Variants in SLC25A26 observed in about 807,000 individuals in gnomAD.
The protein encoded by SLC25A26 is solute carrier family 25 member 26.
A neutral mutation model predicts 37.8 loss-of-function variants in SLC25A26; 36 were observed. The ratio of observed to expected loss-of-function variants is 0.95; its 90% confidence interval spans 0.73 to 1.26. The LOEUF (loss-of-function observed/expected upper bound fraction) is 1.26. Ranked by LOEUF, SLC25A26 falls within the 50% of genes most tolerant of loss-of-function variation. SLC25A26 has a pLI of 0.00. For synonymous variants in SLC25A26, 129 were observed against 122.5 expected, an observed-to-expected ratio of 1.05 and a Z score of -0.35; for missense variants, 390 against 331.1, an observed-to-expected ratio of 1.18 and a Z score of -1.38.
intron 6 of SLC25A26, among the ~76,000 whole-genome samples, chr3:66,350,711 TGTGAGC>T (rs776094017): frequency 6.9e-6 from 1 of 144,362 alleles, no homozygotes; most frequent in Admixed American, 7.0e-5. Context: ...TGTGTGTGTG[TGTGAGC>T]GCGCGCGTGC....
intron 5 of SLC25A26, among the ~76,000 whole-genome samples, chr3:66,275,294 A>G (rs2074101237): frequency 6.6e-6 from 1 of 151,812 alleles, no homozygotes; most frequent in Admixed American, 6.6e-5. Flanking sequence ...AGATACATCT[A>G]ATGCTAAATG....
upstream of SLC25A26, among the ~76,000 whole-genome samples, chr3:66,219,153 A>T (rs1471799637): frequency 6.6e-6 from 1 of 152,202 alleles, no homozygotes; most frequent in Non-Finnish European, 1.5e-5. Context: ...AGGTGGGAAG[A>T]CTGTGAGGGA....
At position 66,253,493 on chromosome 3, in the gene SLC25A26, C is replaced by T. The variant is rs541692919; in HGVS notation, c.301-8558C>T. On this transcript the variant is annotated intron_variant, in intron 3 of 9. Coordinates refer to ENST00000354883, the MANE Select transcript of SLC25A26 (RefSeq NM_001379210.1). ...CAGTAGGGTCCTTAGGAGAGGGGAG[C>T]GGGGGTCAGAGAGCTGAAGATGGTA... Among the ~76,000 whole-genome samples, 8 of 151,514 alleles carry T rather than the reference C, an allele frequency of 5.3e-5. No individual in the cohort carries two copies. In the East Asian group the frequency reaches 1.4e-3, roughly 26 times the overall value.
chr3:66,353,361 T>C (rs1013060329), intron 6 of SLC25A26, among the ~76,000 whole-genome samples: 8 of 152,214 alleles, frequency 5.3e-5, no homozygotes, highest in Non-Finnish European at 7.3e-5. Context: ...AAGTAGGTGC[T>C]GGCCTGGTCT....
intron 5 of SLC25A26, among the ~76,000 whole-genome samples, chr3:66,305,692 TG>T (rs2075200400): frequency 6.6e-6 from 1 of 152,038 alleles, no homozygotes; most frequent in Non-Finnish European, 1.5e-5. Flanking sequence ...CACTTACAAG[TG>T]AGAGCATGTG....
intron 6 of SLC25A26, among the ~76,000 whole-genome samples, chr3:66,361,691 C>T (rs1411857910): frequency 3.9e-5 from 6 of 152,192 alleles, no homozygotes; most frequent in African/African-American, 1.4e-4. Flanking sequence ...AATGAAGGCA[C>T]GGTGGCTCAC....
intron 9 of SLC25A26, among the ~76,000 whole-genome samples, chr3:66,371,762 A>AG (rs1700355668): frequency 6.6e-6 from 1 of 152,090 alleles, no homozygotes; most frequent in Non-Finnish European, 1.5e-5. Context: ...GAATGGGGTG[A>AG]GAAAAAATGA....
At chr3:66,271,065 A>C (rs1175340795) in intron 5 of SLC25A26, among the ~76,000 whole-genome samples, 1 of 152,174 alleles carries the variant, frequency 6.6e-6, no homozygotes, top group African/African-American at 2.4e-5. Flanking sequence ...ACACATTGGA[A>C]GCTATTGGAT....
At position 66,236,566 on chromosome 3, in the gene SLC25A26, C is replaced by G. The variant is rs1380247178; in HGVS notation, c.56C>G (p.Ser19Cys). The G allele has an allele frequency of 2.1e-6, 3 of 1,434,580 alleles. No individual in the cohort carries two copies. Among genetic ancestry groups the G allele is most frequent in the Non-Finnish European group, 2.8e-6 (3 of 1,084,724 alleles). 88.9% of individuals were successfully genotyped at this position (1,434,580 alleles called of 1,614,324 possible). A position where few individuals can be genotyped will look rare whatever the true frequency, so the allele number is the denominator to read the frequency against. Residue 19 changes from serine (S) to cysteine (C), a missense_variant, in exon 2 of 10, where the codon TCT (serine) becomes TGT (cysteine). By Grantham distance (112) the Ser-to-Cys change is moderately radical. Coordinates refer to ENST00000354883, the MANE Select transcript of SLC25A26 (RefSeq NM_001379210.1). ...ALVAGGVAGV[S>C]VDLILFPLDT... Reference sequence around the variant, plus strand: ...AAGGCTGGTGGGGTAGCAGGTGTTTCTGTTGACTTGATATTATTTCCTCTG... The same window carrying G: ...AAGGCTGGTGGGGTAGCAGGTGTTTGTGTTGACTTGATATTATTTCCTCTG...
At chr3:66,332,700 C>A (rs900542489) in intron 5 of SLC25A26, among the ~76,000 whole-genome samples, 1 of 152,148 alleles carries the variant, frequency 6.6e-6, no homozygotes, top group Non-Finnish European at 1.5e-5. Flanking sequence ...GCATGAGCCA[C>A]TGTGCCCAGC....
intron 6 of SLC25A26, among the ~76,000 whole-genome samples, chr3:66,351,996 C>T (rs2076464117): frequency 6.6e-6 from 1 of 152,020 alleles, no homozygotes; most frequent in African/African-American, 2.4e-5. Context: ...TGCCTGTAAT[C>T]CCAGCACTTT....
At chr3:66,261,765 T>C (rs1439412657) in intron 3 of SLC25A26, 2 of 254,178 alleles carry the variant, frequency 7.9e-6, no homozygotes, top group Non-Finnish European at 1.5e-5. Context: ...AATGAGTAAA[T>C]GTGCTTCTTG....
intron 5 of SLC25A26, among the ~76,000 whole-genome samples, chr3:66,270,736 A>G (rs2073929808): frequency 1.3e-5 from 2 of 152,158 alleles, no homozygotes; most frequent in Non-Finnish European, 2.9e-5. Context: ...TACTCCTCAA[A>G]CCTGGACTTT....
intron 5 of SLC25A26, among the ~76,000 whole-genome samples, chr3:66,303,247 T>C (rs1165386046): frequency 1.3e-5 from 2 of 152,208 alleles, no homozygotes; most frequent in Non-Finnish European, 2.9e-5. Context: ...TACTACAGTA[T>C]CAGAGAGGAG....
intron 3 of SLC25A26, among the ~76,000 whole-genome samples, chr3:66,248,145 A>C (rs782513970): frequency 2.8e-5 from 4 of 142,594 alleles, no homozygotes; most frequent in Non-Finnish European, 5.9e-5. Flanking sequence ...CTTAGAAACA[A>C]AAGAACAGTG....
chr3:66,236,282 G>A (rs1349615001), intron 1 of SLC25A26, among the ~76,000 whole-genome samples: 5 of 85,584 alleles, frequency 5.8e-5, no homozygotes, highest in African/African-American at 1.9e-4. Flanking sequence ...TTTAAATTTT[G>A]TTTAAAAATT....
chr3:66,326,679 G>T (rs753826226), intron 5 of SLC25A26, among the ~76,000 whole-genome samples: 2 of 152,164 alleles, frequency 1.3e-5, no homozygotes, highest in African/African-American at 4.8e-5. Context: ...GTGAGTGCAC[G>T]CACGCCTCTT....
At chr3:66,285,601 A>G (rs1165752229) in intron 5 of SLC25A26, among the ~76,000 whole-genome samples, 1 of 116,776 alleles carries the variant, frequency 8.6e-6, no homozygotes, top group Non-Finnish European at 1.8e-5. Context: ...CTGGGACTAC[A>G]GGCACCCACC....
At chr3:66,302,688 TTGTC>T (rs2075110848) in intron 5 of SLC25A26, among the ~76,000 whole-genome samples, 2 of 152,160 alleles carry the variant, frequency 1.3e-5, no homozygotes, top group African/African-American at 2.4e-5. Context: ...TGTTTTGGCT[TTGTC>T]TGTCAGAAGC....
Sources: allele counts gnomAD v4.1 joint callset (sites outside exome capture counted in the v4.1 genomes callset), GRCh38; gene constraint gnomAD v4.1.1; transcripts MANE v1.5; gene names NCBI Gene and HGNC (gene_info 2026-07-23, HGNC 2026-07-21).